CECR2: variants seen among roughly 807,000 people sequenced by gnomAD.
CECR2 encodes the protein chromatin remodeling regulator CECR2.
A neutral mutation model predicts 154.5 loss-of-function variants in CECR2; 30 were observed. The ratio of observed to expected loss-of-function variants is 0.19; its 90% CI spans 0.15 to 0.26. The LOEUF is 0.26. Among genes scored for constraint, CECR2 ranks in the 10% least tolerant of loss-of-function variants. The probability of loss-of-function intolerance (pLI) is 1.00; values close to 1 mark genes in which losing one functional copy is unlikely to be tolerated. For missense variants in CECR2, 1,743 were observed against 1,829.3 expected (o/e 0.95, Z 0.86); for synonymous variants, 725 against 683.7 (o/e 1.06, Z -0.94).
upstream of CECR2, among the ~76,000 whole-genome samples, chr22:17,365,675 G>A (rs368598274): frequency 6.6e-6 from 1 of 152,150 alleles, no homozygotes; most frequent in East Asian, 1.9e-4. Flanking sequence ...CAGCCTGGGT[G>A]ACAGATCAAG....
chr22:17,482,373 A>G (rs1039094898), intron 2 of CECR2, among the ~76,000 whole-genome samples: 1 of 151,394 alleles, frequency 6.6e-6, no homozygotes, highest in Non-Finnish European at 1.5e-5. Flanking sequence ...GCAGTGAGCC[A>G]AGATCATGCC....
intron 1 of CECR2, among the ~76,000 whole-genome samples, chr22:17,451,690 A>C (rs2054773454): frequency 6.6e-6 from 1 of 152,104 alleles, no homozygotes; most frequent in Non-Finnish European, 1.5e-5. Context: ...TCACATCCTG[A>C]AGGTCTCAAA....
intron 1 of CECR2, among the ~76,000 whole-genome samples, chr22:17,371,612 A>T (rs2063062031): frequency 6.6e-6 from 1 of 152,190 alleles, no homozygotes; most frequent in Non-Finnish European, 1.5e-5. Context: ...TAGTTTAATT[A>T]TATCCTGCAG....
rs539260499 is a variant in CECR2 at position 17,518,205 on chromosome 22, T to C, written c.955-5913T>C. ...GGAGAGAGAGCCATTCTGAGGAGCG[T>C]TTACATAAATTAAGTGATTAGGCGA... On this transcript the variant is annotated intron_variant, in intron 8 of 18. Coordinates refer to ENST00000262608, the MANE Select transcript of CECR2 (RefSeq NM_001290047.2). Among the ~76,000 whole-genome samples, 312 of 152,244 alleles carry C rather than the reference T, an allele frequency of 2.0e-3. 2 individuals are homozygous for C. The highest frequency in any genetic ancestry group is 7.2e-3 in the African/African-American group (300 of 41,546).
chr22:17,380,318 CTG>C (rs1048881360), intron 1 of CECR2, among the ~76,000 whole-genome samples: 1 of 151,788 alleles, frequency 6.6e-6, no homozygotes, highest in Non-Finnish European at 1.5e-5. Context: ...CTCATTTAAA[CTG>C]TAATATGGTT....
At chr22:17,534,038 A>C (rs1477260930) in intron 9 of CECR2, among the ~76,000 whole-genome samples, 1 of 152,108 alleles carries the variant, frequency 6.6e-6, no homozygotes, top group Admixed American at 6.6e-5. Flanking sequence ...AAAACTTGCA[A>C]AAACAATACG....
chr22:17,490,569 G>A (rs890909976), intron 2 of CECR2, among the ~76,000 whole-genome samples: 20 of 151,756 alleles, frequency 1.3e-4, no homozygotes, highest in African/African-American at 4.8e-4. Context: ...CGAGTAGCTG[G>A]GATTACAGGT....
rs1353807354 is a variant in CECR2, at chr22:17,497,563, G to A, written c.382G>A (p.Asp128Asn). 3.1e-6 allele frequency: 5 copies of A among 1,613,976 alleles called. No homozygotes were observed. The highest frequency in any genetic ancestry group is 4.2e-6 in the Non-Finnish European group (5 of 1,179,878). ...HRLCDYRLDA[D>N]DVFDLLKGLD... ...ACTCTGTGATTACCGGCTGGATGCA[G>A]ACGATGTCTTCGATCTTCTAAAGGT... Residue 128 changes from aspartate to asparagine, a missense_variant, in exon 3 of 19, where the codon GAC (aspartate) becomes AAC (asparagine). This residue lies in a region of CECR2 where 98 missense variants were observed against 169.3 expected (regional missense o/e 0.58). Transcript: ENST00000262608.
intron 6 of CECR2, 115 bp from the exon 7 acceptor site, chr22:17,504,732 C>A: frequency 1.1e-6 from 1 of 893,262 alleles, no homozygotes; most frequent in Non-Finnish European, 1.7e-6. Context: ...TGAGCCACCG[C>A]GCCCGGCCGA....
intron 1 of CECR2, among the ~76,000 whole-genome samples, chr22:17,390,395 A>C (rs532315319): frequency 6.6e-6 from 1 of 152,280 alleles, no homozygotes; most frequent in African/African-American, 2.4e-5. Flanking sequence ...ACTAACTTTG[A>C]TCACTTGGTT....
At chr22:17,511,572 A>G (rs139485033) in intron 7 of CECR2, among the ~76,000 whole-genome samples, 271 of 150,942 alleles carry the variant, frequency 1.8e-3, no homozygotes, top group African/African-American at 6.3e-3. Flanking sequence ...TGCCAGTGAT[A>G]CATATTATAA....
At position 17,500,675 on chromosome 22, in the gene CECR2, C is replaced by T. The variant is rs199868742; in HGVS notation, c.590C>T (p.Thr197Met). ...QKNVSSIPGK[T>M]GKRRGRPPKR... ...AATGTCTCAAGTATTCCTGGAAAAA[C>T]GGGAAAAAGAAGAGGAAGACCCCCA... is the stretch of plus-strand genomic sequence containing the variant. Residue 197 changes from threonine (T) to methionine (M), a missense_variant, in exon 5 of 19, where the codon ACG (threonine) becomes ATG (methionine). Thr to Met is a moderately conservative substitution (Grantham distance 81, BLOSUM62 -1). Transcript: ENST00000262608. The T allele has an allele frequency of 5.6e-5, 88 of 1,557,594 alleles. 1 individual carries two copies. Among genetic ancestry groups the T allele is most frequent in the Non-Finnish European group, 7.3e-5 (84 of 1,150,944 alleles).
chr22:17,540,403 T>G lies in CECR2; in HGVS notation c.1496-9T>G. On this transcript the variant is annotated splice_polypyrimidine_tract_variant and intron_variant, in intron 13 of 18. Transcript: ENST00000262608. ...ATACCTAGAAGTCAATCCTCCTGTC[T>G]TCCTATAGAGTATACCAAGATGTCT... 6.6e-7 allele frequency: 1 copy of G among 1,504,506 alleles called. No homozygotes were observed. The highest frequency in any genetic ancestry group is 8.9e-7 in the Non-Finnish European group (1 of 1,126,980). 93.2% of individuals were successfully genotyped at this position (1,504,506 alleles called of 1,614,324 possible).
rs1164253023 is a variant in CECR2 at position 17,538,624 on chromosome 22, C to T, written c.1277-16C>T. On this transcript the variant is annotated splice_polypyrimidine_tract_variant and intron_variant, in intron 11 of 18. Coordinates refer to ENST00000262608, the MANE Select transcript of CECR2 (RefSeq NM_001290047.2). ...TTCCTCTGTGAGTGTGTTAAGATCT[C>T]TTCTCTGGCTTTCAGTTCTAGACGT... 6.2e-7 allele frequency: 1 copy of T among 1,613,850 alleles called. No individual in the cohort carries two copies. The highest frequency in any genetic ancestry group is 2.2e-5 in the East Asian group (1 of 44,880).
At position 17,411,198 on chromosome 22, in the gene CECR2, T is replaced by A. The variant is rs1369355548; in HGVS notation, c.126+41289T>A. Reference sequence around the variant, plus strand: ...GGGTAATGTTTTTGGATTGAGAGAGTCATGTGAAGGCATTGCTTTAGTTGA... The same window carrying A: ...GGGTAATGTTTTTGGATTGAGAGAGACATGTGAAGGCATTGCTTTAGTTGA... On this transcript the variant is annotated intron_variant, in intron 1 of 18. Transcript: ENST00000262608. Among the ~76,000 whole-genome samples the A allele has an allele frequency of 2.0e-5, 3 of 152,122 alleles. No homozygotes were observed. In the East Asian group the frequency reaches 5.8e-4, roughly 29 times the overall value.
At chr22:17,534,091 G>T (rs1157903489) in intron 9 of CECR2, among the ~76,000 whole-genome samples, 1 of 152,166 alleles carries the variant, frequency 6.6e-6, no homozygotes, top group East Asian at 1.9e-4. Context: ...CAAATCTGCA[G>T]TGATTGAGAG....
At chr22:17,380,858 C>T (rs2063179582) in intron 1 of CECR2, among the ~76,000 whole-genome samples, 1 of 152,156 alleles carries the variant, frequency 6.6e-6, no homozygotes, top group South Asian at 2.1e-4. Flanking sequence ...TTTTAATGAA[C>T]AGCCCTACCC....
rs1485349557 is a variant in CECR2 at position 17,548,401 on chromosome 22, G to A, written c.3114G>A (p.Gly1038=). The A allele has an allele frequency of 1.2e-6, 2 of 1,613,912 alleles. No individual in the cohort carries two copies. Among genetic ancestry groups the A allele is most frequent in the South Asian group, 1.1e-5 (1 of 91,044 alleles). The change falls in exon 17 of 19, where the codon GGG becomes GGA. Residue 1038 remains glycine, a synonymous_variant. Coordinates refer to ENST00000262608, the MANE Select transcript of CECR2 (RefSeq NM_001290047.2). The part of the protein sequence containing the change: ...DSSYPGPAAQ[G]CVRDLSTVAD... ...GCTACCCCGGCCCAGCCGCCCAAGG[G>A]TGCGTGAGAGACCTCTCCACGGTGG...
intron 2 of CECR2, among the ~76,000 whole-genome samples, chr22:17,491,614 A>G (rs2055534002): frequency 6.7e-6 from 1 of 149,966 alleles, no homozygotes; most frequent in African/African-American, 2.4e-5. Context: ...TCGTAGGGCA[A>G]ACAATATATA....
Sources: allele counts gnomAD v4.1 joint callset (sites outside exome capture counted in the v4.1 genomes callset), GRCh38; gene constraint gnomAD v4.1.1; regional missense constraint gnomAD v4.1.1; transcripts MANE v1.5; gene names NCBI Gene and HGNC (gene_info 2026-07-23, HGNC 2026-07-21).